ADAM21: variants seen among roughly 807,000 people sequenced by gnomAD.
ADAM21 encodes the protein disintegrin and metalloproteinase domain-containing protein 21.
For missense variants in ADAM21, 678 were observed against 874.4 expected (o/e 0.78, Z 2.83); for synonymous variants, 262 against 306.0 (o/e 0.86, Z 1.50).
chr14:70,453,477 A>G, intron 1 of ADAM21: 1 of 152,206 alleles, frequency 6.6e-6, no homozygotes, highest in Non-Finnish European at 1.5e-5. Context: ...TGGTAGAATG[A>G]TGGTACTTCA....
Position 70,459,364 on chromosome 14 carries a change from A to C in ADAM21, c.1865A>C (p.Lys622Thr). Reference protein sequence around the residue: ...VCGPGKICIHKKCVSLSVLSH... With the variant: ...VCGPGKICIHTKCVSLSVLSH... ...GGCCCAGGAAAGATCTGCATCCATAAGAAGTGTGTCAGTCTGTCTGTCTTG... is the reference window on the plus strand; with the variant it reads ...GGCCCAGGAAAGATCTGCATCCATACGAAGTGTGTCAGTCTGTCTGTCTTG... The change falls in exon 2 of 2, where the codon AAG (lysine) becomes ACG (threonine). Residue 622 changes from lysine to threonine, a missense_variant. By Grantham distance (78) the Lys-to-Thr change is moderately conservative. Coordinates refer to ENST00000603540, the MANE Select transcript of ADAM21 (RefSeq NM_003813.4). The C allele has an allele frequency of 1.2e-6, 2 of 1,614,226 alleles. No individual in the cohort carries two copies. Among genetic ancestry groups the C allele is most frequent in the Non-Finnish European group, 1.7e-6 (2 of 1,180,036 alleles).
chr14:70,458,150 C>A lies in ADAM21; in HGVS notation c.651C>A (p.Asn217Lys), dbSNP rs762048905. ...TTCTGGAGCTAGTTGTTGTGGTGAA[C>A]CATGATTTCTTCATTTACTCTCAAA... ...AWFLELVVVV[N>K]HDFFIYSQSN... Residue 217 changes from asparagine to lysine, a missense_variant, in exon 2 of 2, where the codon AAC (asparagine) becomes AAA (lysine). By Grantham distance (94) the Asn-to-Lys change is moderately conservative. Transcript: ENST00000603540. 3 of 1,613,774 alleles carry A rather than the reference C, an allele frequency of 1.9e-6. No homozygotes were observed. The East Asian group carries it at 6.7e-5, about 36-fold the overall frequency.
rs73291971 is a variant in ADAM21 at position 70,452,696 on chromosome 14, G to A, written c.-152+433G>A. Among the ~76,000 whole-genome samples, 1,379 of 152,310 alleles carry A rather than the reference G, an allele frequency of 9.1e-3. 16 individuals carry two copies. Among genetic ancestry groups the A allele is most frequent in the African/African-American group, 0.032 (1,313 of 41,580 alleles). The stretch of plus-strand genomic sequence containing the variant: ...TCATTTTTAAAGATATGAGTGACTT[G>A]AGCATGGATGTAGGTAGGGTGACCA... On this transcript the variant is annotated intron_variant, in intron 1 of 1. Coordinates refer to ENST00000603540, the MANE Select transcript of ADAM21 (RefSeq NM_003813.4).
intron 1 of ADAM21, among the ~76,000 whole-genome samples, chr14:70,455,208 C>T (rs915819797): frequency 3.3e-5 from 5 of 152,094 alleles, no homozygotes; most frequent in Non-Finnish European, 7.4e-5. Context: ...GCAAAGAAAG[C>T]ATTGATTAGA....
In ADAM21 at chr14:70,457,615, C is replaced by T; in HGVS notation, c.116C>T (p.Ser39Phe). 4 of 1,613,948 alleles carry T rather than the reference C, an allele frequency of 2.5e-6. No homozygotes were observed. Residue 39 changes from serine to phenylalanine, a missense_variant, in exon 2 of 2, where the codon TCC (serine) becomes TTC (phenylalanine). By Grantham distance (155) the Ser-to-Phe change is radical. Coordinates refer to ENST00000603540, the MANE Select transcript of ADAM21 (RefSeq NM_003813.4). ...CQAGPSQHFT[S>F]PEVVIPLKVI... ...GCTGGGCCCTCCCAGCATTTCACTT[C>T]CCCGGAAGTGGTGATCCCCTTGAAG...
rs1882465864 is a variant in ADAM21, at chr14:70,458,637, T to TA, written c.1139dup (p.Tyr380Ter). 6.2e-7 allele frequency: 1 copy of TA among 1,613,686 alleles called. No homozygotes were observed. Among genetic ancestry groups the TA allele is most frequent in the African/African-American group, 1.3e-5 (1 of 74,818 alleles). The change falls in exon 2 of 2, where the codon TAC (tyrosine) becomes TAAC (stop). Residue 380 changes from tyrosine to a stop codon, truncating the protein, a stop_gained and frameshift_variant. Coordinates refer to ENST00000603540, the MANE Select transcript of ADAM21 (RefSeq NM_003813.4). LOFTEE classifies it low-confidence loss of function (END_TRUNC). ...AGCAGAGAAATTCACCAATTGCAGT[T>TA]ACGCTGATTTTATGAAGACCACCTT... Reference protein sequence around the residue: ...VPAEKFTNCSYADFMKTTLNQ... With the variant: ...VPAEKFTNCS
chr14:70,458,438 A>T lies in ADAM21; in HGVS notation c.939A>T (p.Ala313=). The part of the protein sequence containing the change: ...LISILGLAYV[A]GICRPPIDCG... ...GTATACTTGGCCTAGCCTATGTTGC[A>T]GGAATATGTCGTCCACCTATTGATT... Residue 313 remains alanine, a synonymous_variant, in exon 2 of 2, where the codon GCA becomes GCT. Transcript: ENST00000603540. 6.2e-7 allele frequency: 1 copy of T among 1,614,202 alleles called. No individual in the cohort carries two copies. Among genetic ancestry groups the T allele is most frequent in the Non-Finnish European group, 8.5e-7 (1 of 1,180,020 alleles).
rs552526788 is a variant in ADAM21 at position 70,459,788 on chromosome 14, T to C, written c.*120T>C. 8.9e-6 allele frequency: 11 copies of C among 1,233,646 alleles called. No homozygotes were observed. In the East Asian group the frequency reaches 1.4e-4, roughly 16 times the overall value. The allele number at this position is 1,233,646 out of a possible 1,614,324, so 76.4% of individuals were successfully genotyped here. On this transcript the variant is annotated 3_prime_UTR_variant, in exon 2 of 2. Transcript: ENST00000603540. ...GACCATTTCCAGAAAGCTGCAAAGA[T>C]CTTCCCTTACATTAGTACCACAAAC...
chr14:70,453,620 G>T (rs1439868711), intron 1 of ADAM21: 10 of 152,112 alleles, frequency 6.6e-5, no homozygotes, highest in East Asian at 3.8e-4. Flanking sequence ...GACACAGGTT[G>T]GTGTAGCTTA....
At position 70,459,081 on chromosome 14, in the gene ADAM21, A is replaced by T; in HGVS notation, c.1582A>T (p.Asn528Tyr). ...TAAAGATGCAAAAAGTGCATCTCAG[A>T]ATTGCTATAAAGAAATCAATTCTCA... Reference protein sequence around the residue: ...FGKDAKSASQNCYKEINSQGN... With the variant: ...FGKDAKSASQYCYKEINSQGN... The change falls in exon 2 of 2, where the codon AAT (asparagine) becomes TAT (tyrosine). Residue 528 changes from asparagine to tyrosine, a missense_variant. Physicochemically the swap from Asn to Tyr is moderately radical, Grantham distance 143 (BLOSUM62 -2). Transcript: ENST00000603540. 6.2e-7 allele frequency: 1 copy of T among 1,613,384 alleles called. No individual in the cohort carries two copies. The highest frequency in any genetic ancestry group is 1.1e-5 in the South Asian group (1 of 90,848).
chr14:70,459,825 G>A lies in ADAM21; in HGVS notation c.*157G>A. ...TTAGTACCACAAACATTGTCATTAA[G>A]TTCAAGTTATTCTTAACATGTTTCT... On this transcript the variant is annotated 3_prime_UTR_variant, in exon 2 of 2. Transcript: ENST00000603540. 1 of 868,774 alleles carries A rather than the reference G, an allele frequency of 1.2e-6. No homozygotes were observed. The highest frequency in any genetic ancestry group is 2.5e-5 in the East Asian group (1 of 39,324). 53.8% of individuals were successfully genotyped at this position (868,774 alleles called of 1,614,324 possible).
rs1459518130 is a variant in ADAM21, at chr14:70,458,055, G to T, written c.556G>T (p.Glu186Ter). The T allele has an allele frequency of 3.0e-5, 49 of 1,613,956 alleles. 1 individual carries two copies. The Admixed American group carries it at 7.7e-4, about 25-fold the overall frequency. The change falls in exon 2 of 2, where the codon GAA becomes TAA. Residue 186 changes from glutamate to a stop codon, truncating the protein, a stop_gained. Coordinates refer to ENST00000603540, the MANE Select transcript of ADAM21 (RefSeq NM_003813.4). LOFTEE classifies it low-confidence loss of function (END_TRUNC). ...GAAGGAAGTAGCACGCCAACAGTTGGAATTTGAAGAGGCTGAGAACTCAGC... is the reference window on the plus strand; with the variant it reads ...GAAGGAAGTAGCACGCCAACAGTTGTAATTTGAAGAGGCTGAGAACTCAGC... Reference protein sequence around the residue: ...TEKEVARQQLEFEEAENSALE... With the variant: ...TEKEVARQQL
At position 70,459,815 on chromosome 14, in the gene ADAM21, T is replaced by C; in HGVS notation, c.*147T>C. On this transcript the variant is annotated 3_prime_UTR_variant, in exon 2 of 2. Transcript: ENST00000603540. ...TTCCCTTACATTAGTACCACAAACA[T>C]TGTCATTAAGTTCAAGTTATTCTTA... is the stretch of plus-strand genomic sequence containing the variant. 1 of 929,868 alleles carries C rather than the reference T, an allele frequency of 1.1e-6. No individual in the cohort carries two copies. The highest frequency in any genetic ancestry group is 1.6e-6 in the Non-Finnish European group (1 of 622,692). 57.6% of individuals were successfully genotyped at this position (929,868 alleles called of 1,614,324 possible).
intron 1 of ADAM21, among the ~76,000 whole-genome samples, chr14:70,456,663 C>T (rs1882414740): frequency 6.6e-6 from 1 of 152,140 alleles, no homozygotes; most frequent in South Asian, 2.1e-4. Context: ...ATTTTCTTTT[C>T]TAAAAATTAT....
chr14:70,458,068 C>T lies in ADAM21; in HGVS notation c.569C>T (p.Ala190Val). ...CGCCAACAGTTGGAATTTGAAGAGG[C>T]TGAGAACTCAGCTCTGGAACCAAAA... ...VARQQLEFEE[A>V]ENSALEPKSA... The change falls in exon 2 of 2, where the codon GCT (alanine) becomes GTT (valine). Residue 190 changes from alanine to valine, a missense_variant. Coordinates refer to ENST00000603540, the MANE Select transcript of ADAM21 (RefSeq NM_003813.4). 1 of 1,614,058 alleles carries T rather than the reference C, an allele frequency of 6.2e-7. No individual in the cohort carries two copies. Among genetic ancestry groups the T allele is most frequent in the South Asian group, 1.1e-5 (1 of 91,072 alleles).
chr14:70,459,052 T>C lies in ADAM21; in HGVS notation c.1553T>C (p.Phe518Ser). The C allele has an allele frequency of 6.2e-7, 1 of 1,613,882 alleles. No homozygotes were observed. The highest frequency in any genetic ancestry group is 1.1e-5 in the South Asian group (1 of 91,010). The change falls in exon 2 of 2, where the codon TTT (phenylalanine) becomes TCT (serine). Residue 518 changes from phenylalanine to serine, a missense_variant. Physicochemically the swap from Phe to Ser is radical, Grantham distance 155. Transcript: ENST00000603540. ...NNHDQHCREI[F>S]GKDAKSASQN... is the part of the protein sequence containing the mutation. ...CATGACCAGCATTGCAGGGAGATTTTTGGTAAAGATGCAAAAAGTGCATCT... is the reference window on the plus strand; with the variant it reads ...CATGACCAGCATTGCAGGGAGATTTCTGGTAAAGATGCAAAAAGTGCATCT...
chr14:70,457,713 C>T lies in ADAM21; in HGVS notation c.214C>T (p.His72Tyr), dbSNP rs1366338508. The T allele has an allele frequency of 1.9e-6, 3 of 1,613,706 alleles. No homozygotes were observed. The highest frequency in any genetic ancestry group is 2.5e-6 in the Non-Finnish European group (3 of 1,179,842). Residue 72 changes from histidine (H) to tyrosine (Y), a missense_variant, in exon 2 of 2, where the codon CAC becomes TAC. Physicochemically the swap from His to Tyr is moderately conservative, Grantham distance 83. Transcript: ENST00000603540. ...SYSLRFGGQK[H>Y]VVHMRVKKLL... ...TAGTCTGCGGTTTGGGGGCCAGAAA[C>T]ACGTTGTTCATATGAGGGTCAAGAA...
chr14:70,459,221 C>G lies in ADAM21; in HGVS notation c.1722C>G (p.Leu574=). Residue 574 remains leucine (L), a synonymous_variant, in exon 2 of 2, where the codon CTC becomes CTG. Transcript: ENST00000603540. ...QCENVRDIPL[L]QDHFTLQHTH... ...AGAATGTGAGAGACATTCCTCTTCT[C>G]CAAGATCATTTTACTTTGCAGCACA... 1 of 1,614,058 alleles carries G rather than the reference C, an allele frequency of 6.2e-7. No individual in the cohort carries two copies. Among genetic ancestry groups the G allele is most frequent in the East Asian group, 2.2e-5 (1 of 44,882 alleles).
chr14:70,452,566 C>A (rs1051756159), intron 1 of ADAM21, among the ~76,000 whole-genome samples: 7 of 152,158 alleles, frequency 4.6e-5, no homozygotes, highest in African/African-American at 1.7e-4. Context: ...CGGGGTTTCA[C>A]CATGTTAGCC....
Sources: gnomAD v4.1 joint callset for allele counts (sites outside exome capture counted in the v4.1 genomes callset) on GRCh38, gnomAD v4.1.1 for gene constraint, MANE v1.5 for transcripts, NCBI Gene and HGNC (gene_info 2026-07-23, HGNC 2026-07-21) for gene names.